Variants in CACNG4 observed in about 807,000 individuals in gnomAD.
The protein encoded by CACNG4 is calcium voltage-gated channel auxiliary subunit gamma 4, also known as voltage-dependent calcium channel gamma-4 subunit.
A neutral mutation model predicts 22.9 loss-of-function variants in CACNG4; 8 were observed. The observed-to-expected ratio is 0.35, with a 90% confidence interval of 0.21 to 0.63. The LOEUF (loss-of-function observed/expected upper bound fraction) is 0.63, where lower values mean the gene tolerates loss of function less well. Ranked by LOEUF, CACNG4 falls within the 30% of genes least tolerant of loss-of-function variation. CACNG4 has a pLI of 0.72. For synonymous variants in CACNG4, 188 were observed against 191.9 expected (o/e 0.98, Z 0.17); for missense variants, 357 against 455.4 (o/e 0.78, Z 1.97).
intron 3 of CACNG4, among the ~76,000 whole-genome samples, chr17:67,026,057 G>C (rs1353725300): frequency 6.6e-6 from 1 of 152,000 alleles, no homozygotes; most frequent in Non-Finnish European, 1.5e-5. Flanking sequence ...TGTGTGTGTG[G>C]TGTATGTGTG....
At chr17:66,975,769 GGGCGTTCTGAAT>G (rs2035232158) in intron 1 of CACNG4, among the ~76,000 whole-genome samples, 1 of 152,220 alleles carries the variant, frequency 6.6e-6, no homozygotes, top group South Asian at 2.1e-4. Flanking sequence ...CTCAGAGGCA[GGGCGTTCTGAAT>G]GGCTCCTGTG....
At chr17:66,998,375 C>A (rs2035387704) in intron 1 of CACNG4, among the ~76,000 whole-genome samples, 1 of 152,120 alleles carries the variant, frequency 6.6e-6, no homozygotes, top group South Asian at 2.1e-4. Flanking sequence ...GTGCACACCA[C>A]CATGCCTAAT....
At chr17:67,017,230 C>T (rs894308101) in intron 1 of CACNG4, among the ~76,000 whole-genome samples, 1 of 152,086 alleles carries the variant, frequency 6.6e-6, no homozygotes, top group Non-Finnish European at 1.5e-5. Flanking sequence ...GTGCACCCCA[C>T]CACATTCAGC....
chr17:67,017,498 CGTTGTT>C (rs34653846), intron 1 of CACNG4, among the ~76,000 whole-genome samples: 28 of 150,338 alleles, frequency 1.9e-4, no homozygotes, highest in Middle Eastern at 3.5e-3. Flanking sequence ...TGGGCAAATT[CGTTGTT>C]GTTGTTGTTG....
chr17:67,025,660 C>T (rs148748686), intron 3 of CACNG4, among the ~76,000 whole-genome samples: 219 of 152,384 alleles, frequency 1.4e-3, no homozygotes, highest in South Asian at 9.1e-3. Flanking sequence ...AAAGTGCCAT[C>T]GGGGAATAGC....
chr17:66,965,272 C>T (rs2035162272), intron 1 of CACNG4, 141 bp downstream of exon 1: 1 of 575,414 alleles, frequency 1.7e-6, no homozygotes, highest in Non-Finnish European at 2.9e-6. Context: ...GTGGGCGCGG[C>T]GCTGGCTCCG....
chr17:67,024,420 G>C (rs1452992225), intron 2 of CACNG4, among the ~76,000 whole-genome samples: 1 of 152,216 alleles, frequency 6.6e-6, no homozygotes, highest in African/African-American at 2.4e-5. Context: ...ACCTAATGCC[G>C]ATGCGTGTGC....
intron 1 of CACNG4, among the ~76,000 whole-genome samples, chr17:66,992,634 G>A (rs891836399): frequency 2.0e-5 from 3 of 152,234 alleles, no homozygotes; most frequent in Non-Finnish European, 2.9e-5. Flanking sequence ...TCCCCAGAGC[G>A]TGGTTCAGAG....
chr17:66,986,645 T>C (rs1482880752), intron 1 of CACNG4, among the ~76,000 whole-genome samples: 1 of 152,216 alleles, frequency 6.6e-6, no homozygotes, highest in Non-Finnish European at 1.5e-5. Flanking sequence ...GGCTTGCGTC[T>C]TAACTAATGT....
intron 2 of CACNG4, among the ~76,000 whole-genome samples, chr17:67,018,786 C>T (rs1052821258): frequency 7.2e-5 from 11 of 152,074 alleles, no homozygotes; most frequent in Non-Finnish European, 7.4e-5. Context: ...GGGGAGAAGG[C>T]GAGGAAGGTG....
intron 1 of CACNG4, among the ~76,000 whole-genome samples, chr17:66,999,558 G>A (rs2035395427): frequency 6.6e-6 from 1 of 152,168 alleles, no homozygotes; most frequent in South Asian, 2.1e-4. Context: ...TCTTCACAAG[G>A]CGGCAGGAGA....
At chr17:66,988,944 C>G (rs1352204886) in intron 1 of CACNG4, among the ~76,000 whole-genome samples, 3 of 151,342 alleles carry the variant, frequency 2.0e-5, no homozygotes, top group Non-Finnish European at 2.9e-5. Context: ...GATTGTAATC[C>G]CAGCTACTCA....
chr17:67,024,561 C>G (rs740557), intron 2 of CACNG4, among the ~76,000 whole-genome samples: 13,684 of 152,300 alleles, frequency 0.09, 865 homozygotes, highest in Non-Finnish European at 0.13. Flanking sequence ...CGGTTTGTTG[C>G]TTTCATGGCT....
At chr17:67,025,080 G>T in intron 3 of CACNG4, 80 bp downstream of exon 3, 1 of 1,370,490 alleles carries the variant, frequency 7.3e-7, no homozygotes, top group Non-Finnish European at 9.7e-7. Context: ...CCCACTGCCA[G>T]GCAGTGTGCA....
intron 1 of CACNG4, among the ~76,000 whole-genome samples, chr17:66,993,590 A>G (rs949604334): frequency 1.3e-5 from 2 of 152,188 alleles, no homozygotes; most frequent in Admixed American, 1.3e-4. Flanking sequence ...AGTGCTTAAA[A>G]AGTAACCATG....
At chr17:67,005,524 G>A (rs1421421421) in intron 1 of CACNG4, among the ~76,000 whole-genome samples, 1 of 152,312 alleles carries the variant, frequency 6.6e-6, no homozygotes, top group East Asian at 1.9e-4. Flanking sequence ...CTTACCACAC[G>A]AGCTTTGATC....
rs753235572 is a variant in CACNG4, at chr17:66,965,037, C to T, written c.126C>T (p.Asn42=). The T allele has an allele frequency of 1.2e-6, 2 of 1,610,666 alleles. No homozygotes were observed. The highest frequency in any genetic ancestry group is 1.3e-5 in the African/African-American group (1 of 74,734). ...YWLYSSAHIC[N]GTNLTMDDGP... ...TGTACTCCAGCGCGCACATCTGCAACGGCACCAACCTGACCATGGACGACG... is the reference window on the plus strand; with the variant it reads ...TGTACTCCAGCGCGCACATCTGCAATGGCACCAACCTGACCATGGACGACG... Residue 42 remains asparagine (N), a synonymous_variant, in exon 1 of 4, where the codon AAC becomes AAT. Coordinates refer to ENST00000262138, the MANE Select transcript of CACNG4 (RefSeq NM_014405.4).
In CACNG4 at chr17:66,970,579, A is replaced by G. The variant is rs574765781; in HGVS notation, c.220+5448A>G. ...GTTTCTCAGCCTTTGCACTGCTGACATTGGGGCCAGATCATTCTATTAAAA... is the reference window on the plus strand; with the variant it reads ...GTTTCTCAGCCTTTGCACTGCTGACGTTGGGGCCAGATCATTCTATTAAAA... On this transcript the variant is annotated intron_variant, in intron 1 of 3. Transcript: ENST00000262138. 7.9e-5 allele frequency among the ~76,000 whole-genome samples: 12 copies of G among 152,256 alleles called. No individual in the cohort carries two copies. The East Asian group carries it at 2.1e-3, about 27-fold the overall frequency.
intron 1 of CACNG4, among the ~76,000 whole-genome samples, chr17:67,010,410 G>A (rs1160644480): frequency 1.3e-5 from 2 of 152,166 alleles, no homozygotes; most frequent in Non-Finnish European, 1.5e-5. Flanking sequence ...CCTCCTTGGT[G>A]TACGAAGTAG....
Sources: gnomAD v4.1 joint callset for allele counts (sites outside exome capture counted in the v4.1 genomes callset) on GRCh38, gnomAD v4.1.1 for gene constraint, MANE v1.5 for transcripts, NCBI Gene and HGNC (gene_info 2026-07-23, HGNC 2026-07-21) for gene names.